TNS1: variants seen among roughly 807,000 people sequenced by gnomAD.
TNS1 encodes the protein tensin 1, also known as tensin-1.
A neutral mutation model predicts 168.6 loss-of-function variants in TNS1; 62 were observed. The observed-to-expected ratio is 0.37, with a 90% CI of 0.30 to 0.45. The LOEUF (loss-of-function observed/expected upper bound fraction) is 0.45, where lower values mean the gene tolerates loss of function less well. TNS1 is among the 20% of genes least tolerant of loss of function. The probability of loss-of-function intolerance (pLI) is 1.00; values close to 1 mark genes in which losing one functional copy is unlikely to be tolerated. For synonymous variants in TNS1, 934 were observed against 933.2 expected, an observed-to-expected ratio of 1.00 and a Z score of -0.02; for missense variants, 2,240 against 2,339.4, an observed-to-expected ratio of 0.96 and a Z score of 0.88.
At chr2:217,885,910 GT>G (rs1951154360) in intron 14 of TNS1, 91 bp from the exon 15 acceptor site, 3 of 1,555,540 alleles carry the variant, frequency 1.9e-6, no homozygotes, top group Non-Finnish European at 2.7e-6. Context: ...ACGCCACAGG[GT>G]TAGTGGGAAA....
Position 217,905,363 on chromosome 2 carries a change from G to A in TNS1, c.321+972C>T, listed in dbSNP as rs369063905. 102 of 450,882 alleles carry A rather than the reference G, an allele frequency of 2.3e-4. 2 individuals are homozygous for A. The East Asian group carries it at 2.9e-3, about 13-fold the overall frequency. 27.9% of individuals were successfully genotyped at this position (450,882 alleles called of 1,614,324 possible). ...TGCTCCACCTGGAGAGGCCCCATGC[G>A]GTCCATGGGATGCTGCCGCTTTGTA... On this transcript the variant is annotated intron_variant, in intron 6 of 32. Transcript: ENST00000682258.
chr2:217,850,555 T>C (rs1947321562), intron 18 of TNS1: 1 of 978,016 alleles, frequency 1.0e-6, no homozygotes, highest in Non-Finnish European at 1.2e-6. Context: ...CCCTGTACAG[T>C]CAGCAGCCCA....
intron 18 of TNS1, among the ~76,000 whole-genome samples, chr2:217,857,334 G>A (rs1559249268): frequency 6.6e-6 from 1 of 152,080 alleles, no homozygotes; most frequent in African/African-American, 2.4e-5. Context: ...GCAGGCTCAG[G>A]ACCACCCAAG....
chr2:217,946,963 T>TCA (rs1340630921), intron 3 of TNS1, among the ~76,000 whole-genome samples: 39 of 132,452 alleles, frequency 2.9e-4, no homozygotes, highest in African/African-American at 1.1e-3. Flanking sequence ...TCTCTCTCTC[T>TCA]CTCTCTCACA....
chr2:217,829,363 C>T (rs550267565), intron 22 of TNS1, among the ~76,000 whole-genome samples: 7 of 152,066 alleles, frequency 4.6e-5, no homozygotes, highest in African/African-American at 1.7e-4. Flanking sequence ...CCAGCCTGGA[C>T]AACAAGAGCA....
At chr2:217,886,974 A>C (rs988695015) in intron 12 of TNS1, among the ~76,000 whole-genome samples, 3 of 152,132 alleles carry the variant, frequency 2.0e-5, no homozygotes, top group African/African-American at 7.2e-5. Flanking sequence ...CTGCTGGACC[A>C]AAATTTCCAC....
At chr2:217,901,743 GA>G (rs1953008979) in intron 6 of TNS1, 1 of 152,252 alleles carries the variant, frequency 6.6e-6, no homozygotes, top group Admixed American at 6.5e-5. Context: ...GGCCAGGCAG[GA>G]TTCACACTCC....
intron 6 of TNS1, among the ~76,000 whole-genome samples, chr2:217,902,983 G>A (rs1418808753): frequency 6.6e-6 from 1 of 152,152 alleles, no homozygotes; most frequent in East Asian, 1.9e-4. Flanking sequence ...GCTGGGGCAG[G>A]GGCACGGCAT....
upstream of TNS1, among the ~76,000 whole-genome samples, chr2:218,007,471 G>A (rs967030561): frequency 1.3e-5 from 2 of 149,930 alleles, no homozygotes; most frequent in Non-Finnish European, 3.0e-5. Context: ...ACAGCAATAC[G>A]GCCACCCCAG....
At chr2:217,821,671 C>A in intron 23 of TNS1, 69 bp downstream of exon 23, 3 of 1,368,376 alleles carry the variant, frequency 2.2e-6, no homozygotes, top group Middle Eastern at 2.7e-4. Flanking sequence ...ATCCAGGAGG[C>A]CTCACCCATC....
chr2:217,820,637 T>C (rs1942692867), intron 23 of TNS1, among the ~76,000 whole-genome samples: 1 of 151,918 alleles, frequency 6.6e-6, no homozygotes, highest in Non-Finnish European at 1.5e-5. Context: ...CAGGGCAGAG[T>C]CTCCCCTCCT....
chr2:217,845,523 C>T (rs1182328005), intron 19 of TNS1, among the ~76,000 whole-genome samples: 1 of 152,184 alleles, frequency 6.6e-6, no homozygotes, highest in Non-Finnish European at 1.5e-5. Flanking sequence ...ACTTCATAGA[C>T]CTGGGAGCCA....
At chr2:217,823,642 A>G (rs943003824) in intron 22 of TNS1, among the ~76,000 whole-genome samples, 1 of 152,164 alleles carries the variant, frequency 6.6e-6, no homozygotes, top group African/African-American at 2.4e-5. Context: ...AGAGGCTGCA[A>G]TGGAGTCTGC....
intron 2 of TNS1, among the ~76,000 whole-genome samples, chr2:217,984,492 T>C (rs1335971091): frequency 6.6e-6 from 1 of 152,094 alleles, no homozygotes; most frequent in Non-Finnish European, 1.5e-5. Flanking sequence ...TTCTTATTTT[T>C]AGTCTTTCTT....
intron 6 of TNS1, among the ~76,000 whole-genome samples, chr2:217,904,016 G>A (rs1953349388): frequency 6.6e-6 from 1 of 152,190 alleles, no homozygotes; most frequent in South Asian, 2.1e-4. Context: ...TCCCCAGAGG[G>A]GCACAGTTGG....
intron 3 of TNS1, among the ~76,000 whole-genome samples, chr2:217,978,152 A>G (rs1490057949): frequency 6.6e-6 from 1 of 152,128 alleles, no homozygotes; most frequent in Non-Finnish European, 1.5e-5. Flanking sequence ...TTCTTGCCTC[A>G]GTTTCCCTTT....
chr2:218,031,670 C>T (rs1478527230), intron 1 of TNS1, among the ~76,000 whole-genome samples: 3 of 152,184 alleles, frequency 2.0e-5, no homozygotes, highest in Non-Finnish European at 2.9e-5. Context: ...AGATCCTTTT[C>T]AGCTCTGGGG....
chr2:217,953,745 C>T (rs3828277), intron 3 of TNS1, among the ~76,000 whole-genome samples: 10,496 of 152,094 alleles, frequency 0.069, 505 homozygotes, highest in African/African-American at 0.13. Context: ...AGGGAGGGGA[C>T]GTGGGATGTG....
intron 30 of TNS1, 113 bp downstream of exon 30, chr2:217,809,710 G>T (rs563600214): frequency 9.0e-7 from 1 of 1,110,770 alleles, no homozygotes; most frequent in East Asian, 2.4e-5. Context: ...TGAGAAGGTA[G>T]ATGAGCAGTT....
Sources: allele counts gnomAD v4.1 joint callset (sites outside exome capture counted in the v4.1 genomes callset), GRCh38; gene constraint gnomAD v4.1.1; transcripts MANE v1.5; gene names NCBI Gene and HGNC (gene_info 2026-07-23, HGNC 2026-07-21).